CNTNAP2: variants seen among roughly 807,000 people sequenced by gnomAD.
CNTNAP2 encodes the protein contactin associated protein 2.
In CNTNAP2, 98 loss-of-function variants were observed where a neutral mutation model predicts 155.2. The ratio of observed to expected loss-of-function variants is 0.63; its 90% CI spans 0.54 to 0.75. The LOEUF (loss-of-function observed/expected upper bound fraction) is 0.75, where lower values mean the gene tolerates loss of function less well. Ranked by LOEUF, CNTNAP2 falls within the 30% of genes least tolerant of loss-of-function variation. The pLI is 0.00. For synonymous variants in CNTNAP2, 651 were observed against 631.2 expected (o/e 1.03, Z -0.47); for missense variants, 1,727 against 1,688.1 (o/e 1.02, Z -0.40).
intron 13 of CNTNAP2, among the ~76,000 whole-genome samples, chr7:147,689,080 T>C: frequency 6.6e-6 from 1 of 152,010 alleles, no homozygotes; most frequent in Non-Finnish European, 1.5e-5. Context: ...TAAAATTAAA[T>C]ATAACATTAT....
chr7:147,113,234 C>A (rs1047293845), intron 5 of CNTNAP2, among the ~76,000 whole-genome samples: 5 of 152,032 alleles, frequency 3.3e-5, no homozygotes, highest in African/African-American at 4.8e-5. Flanking sequence ...TAGAGAAATA[C>A]AAACATATTT....
At chr7:147,191,350 AT>A (rs1258680899) in intron 8 of CNTNAP2, among the ~76,000 whole-genome samples, 2 of 152,204 alleles carry the variant, frequency 1.3e-5, no homozygotes, top group African/African-American at 4.8e-5. Context: ...GTTAAATATC[AT>A]TTTTATGAGA....
chr7:148,225,996 A>G (rs1795841356), intron 19 of CNTNAP2, among the ~76,000 whole-genome samples: 1 of 152,232 alleles, frequency 6.6e-6, no homozygotes, highest in African/African-American at 2.4e-5. Flanking sequence ...GAAAATATCA[A>G]GTAGACAGTT....
chr7:146,398,109 T>TGAG (rs1418195715), intron 1 of CNTNAP2, among the ~76,000 whole-genome samples: 2 of 151,150 alleles, frequency 1.3e-5, no homozygotes, highest in Non-Finnish European at 2.9e-5. Context: ...TGGGCTCAAG[T>TGAG]GATCCGCCTG....
intron 10 of CNTNAP2, among the ~76,000 whole-genome samples, chr7:147,425,781 T>C (rs998360095): frequency 4.6e-5 from 7 of 152,194 alleles, no homozygotes; most frequent in African/African-American, 1.7e-4. Flanking sequence ...TAATTGAAGA[T>C]GTATTTTCCT....
At chr7:148,395,118 G>GAC (rs1040052940) in intron 22 of CNTNAP2, among the ~76,000 whole-genome samples, 1 of 132,088 alleles carries the variant, frequency 7.6e-6, no homozygotes, top group African/African-American at 3.2e-5. Context: ...TGTTTCTGTT[G>GAC]ACCCCCCCCC....
intron 14 of CNTNAP2, among the ~76,000 whole-genome samples, chr7:147,926,918 A>T (rs912802271): frequency 6.6e-6 from 1 of 152,212 alleles, no homozygotes; most frequent in Non-Finnish European, 1.5e-5. Flanking sequence ...TTCCTCTCTA[A>T]TTTAAATTAT....
Position 147,375,991 on chromosome 7 carries a change from A to G in CNTNAP2, c.1499-19618A>G, listed in dbSNP as rs1426276286. Among the ~76,000 whole-genome samples, 4 of 152,024 alleles carry G rather than the reference A, an allele frequency of 2.6e-5. No homozygotes were observed. The East Asian group carries it at 7.7e-4, about 29-fold the overall frequency. On this transcript the variant is annotated intron_variant, in intron 9 of 23. Transcript: ENST00000361727. ...TCTCCCCTAGAAATGTGAAGACACA[A>G]GATATTCTGTATGACATTGGGGCTG... is the stretch of plus-strand genomic sequence containing the variant.
chr7:147,887,485 A>C (rs79584635), intron 13 of CNTNAP2, among the ~76,000 whole-genome samples: 1,674 of 152,316 alleles, frequency 0.011, 46 homozygotes, highest in African/African-American at 0.037. Context: ...AAAATTAAAA[A>C]TAAAAATAAT....
At chr7:146,895,644 T>C (rs73742608) in intron 3 of CNTNAP2, among the ~76,000 whole-genome samples, 1,765 of 152,258 alleles carry the variant, frequency 0.012, 35 homozygotes, top group African/African-American at 0.041. Context: ...CACGTGGAAA[T>C]ACATAAAAGT....
intron 1 of CNTNAP2, among the ~76,000 whole-genome samples, chr7:146,608,528 G>T (rs1342859749): frequency 1.3e-5 from 2 of 152,092 alleles, no homozygotes; most frequent in Non-Finnish European, 2.9e-5. Flanking sequence ...TTTGTATAAA[G>T]TACAATACAT....
chr7:146,774,488 G>T, intron 2 of CNTNAP2, 107 bp downstream of exon 2: 1 of 775,432 alleles, frequency 1.3e-6, no homozygotes, highest in South Asian at 1.5e-5. Context: ...GCAGACACCA[G>T]AAATCACTCC....
chr7:147,748,242 G>GT (rs1347131923), intron 13 of CNTNAP2, among the ~76,000 whole-genome samples: 2 of 152,122 alleles, frequency 1.3e-5, no homozygotes, highest in Admixed American at 1.3e-4. Context: ...TACATTAGAA[G>GT]TTTTTTGAAG....
At chr7:147,432,410 A>C (rs984401105) in intron 10 of CNTNAP2, among the ~76,000 whole-genome samples, 1 of 152,224 alleles carries the variant, frequency 6.6e-6, no homozygotes, top group Non-Finnish European at 1.5e-5. Context: ...TAAAAAATAG[A>C]AATCATGCTG....
chr7:147,459,681 G>A (rs1330224329), intron 10 of CNTNAP2, among the ~76,000 whole-genome samples: 2 of 152,132 alleles, frequency 1.3e-5, no homozygotes, highest in African/African-American at 4.8e-5. Flanking sequence ...TGCCTTTCGA[G>A]GTTGGAAAGG....
chr7:146,550,423 T>TTG, intron 1 of CNTNAP2, among the ~76,000 whole-genome samples: 3 of 145,408 alleles, frequency 2.1e-5, no homozygotes, highest in Non-Finnish European at 3.0e-5. Context: ...TTTTTTTTTT[T>TTG]TTTTTTATAA....
chr7:146,310,726 A>G (rs1196650998), intron 1 of CNTNAP2, among the ~76,000 whole-genome samples: 2 of 152,142 alleles, frequency 1.3e-5, no homozygotes, highest in African/African-American at 4.8e-5. Flanking sequence ...GTCAGATAGC[A>G]GTGATATTCA....
At chr7:147,834,062 G>GTGAGTCAATA (rs1798596136) in intron 13 of CNTNAP2, among the ~76,000 whole-genome samples, 1 of 152,164 alleles carries the variant, frequency 6.6e-6, no homozygotes, top group African/African-American at 2.4e-5. Context: ...TTCCACACTA[G>GTGAGTCAATA]TGAGTCAATA....
At chr7:146,976,306 T>A (rs10245776) in intron 3 of CNTNAP2, among the ~76,000 whole-genome samples, 1 of 151,852 alleles carries the variant, frequency 6.6e-6, no homozygotes, top group South Asian at 2.1e-4. Context: ...TCCAGCCCAG[T>A]TGCATTCTGA....
Sources: gnomAD v4.1 joint callset for allele counts (sites outside exome capture counted in the v4.1 genomes callset) on GRCh38, gnomAD v4.1.1 for gene constraint, MANE v1.5 for transcripts, NCBI Gene and HGNC (gene_info 2026-07-23, HGNC 2026-07-21) for gene names.